CACNA1I: variants seen among roughly 807,000 people sequenced by gnomAD.
CACNA1I encodes the protein voltage-dependent T-type calcium channel subunit alpha-1I.
A neutral mutation model predicts 201.6 loss-of-function variants in CACNA1I; 74 were observed. The ratio of observed to expected loss-of-function variants is 0.37; its 90% CI spans 0.30 to 0.45. The LOEUF is 0.45. Among genes scored for constraint, CACNA1I ranks in the 20% least tolerant of loss-of-function variants. The pLI, the probability that CACNA1I is intolerant of heterozygous loss-of-function variation, is 1.00. For missense variants in CACNA1I, 2,346 were observed against 3,138.1 expected, an observed-to-expected ratio of 0.75 and a Z score of 6.03; for synonymous variants, 1,431 against 1,345.2, an observed-to-expected ratio of 1.06 and a Z score of -1.40.
chr22:39,616,818 A>G (rs1304477248), intron 3 of CACNA1I, among the ~76,000 whole-genome samples: 2 of 151,954 alleles, frequency 1.3e-5, no homozygotes, highest in African/African-American at 4.8e-5. Flanking sequence ...CTTTGTCATC[A>G]AGGGGCTGAG....
At chr22:39,573,315 G>A (rs1303857668) in intron 1 of CACNA1I, among the ~76,000 whole-genome samples, 8 of 152,118 alleles carry the variant, frequency 5.3e-5, no homozygotes, top group Non-Finnish European at 5.9e-5. Flanking sequence ...TGAACCTTAG[G>A]GGGTCTGGAT....
chr22:39,679,562 T>G, intron 32 of CACNA1I, 117 bp downstream of exon 32: 1 of 1,055,384 alleles, frequency 9.5e-7, no homozygotes, highest in Non-Finnish European at 1.3e-6. Context: ...GGCCCCACCC[T>G]GCTCAGCTCC....
In CACNA1I at chr22:39,672,980, C is replaced by G; in HGVS notation, c.4681C>G (p.Leu1561Val). ...CCAGCTGGACCTGGCCATTGTGCTA[C>G]TGTCAGTCATGGGCATCACCCTGGA... ...WNQLDLAIVLLSVMGITLEEI... is the reference protein window; with the variant it reads ...WNQLDLAIVLVSVMGITLEEI... Residue 1561 changes from leucine to valine, a missense_variant, in exon 28 of 37, where the codon CTG becomes GTG. By Grantham distance (32) the Leu-to-Val change is conservative. Around this residue, in one of 13 missense-constraint regions of CACNA1I, gnomAD observed 228 missense variants for 395.7 expected, o/e 0.58. Transcript: ENST00000402142. 1 of 1,613,848 alleles carries G rather than the reference C, an allele frequency of 6.2e-7. No individual in the cohort carries two copies. The highest frequency in any genetic ancestry group is 8.5e-7 in the Non-Finnish European group (1 of 1,179,790).
chr22:39,595,161 C>A (rs887569234), intron 1 of CACNA1I, among the ~76,000 whole-genome samples: 6 of 151,728 alleles, frequency 4.0e-5, no homozygotes, highest in Non-Finnish European at 7.4e-5. Flanking sequence ...TGGTGGCGGG[C>A]GCCTGTAGTC....
rs181968448 is a variant in CACNA1I, at chr22:39,647,129, C to T, written c.1462+248C>T. 7.6e-4 allele frequency among the ~76,000 whole-genome samples: 115 copies of T among 151,972 alleles called. No homozygotes were observed. In the Middle Eastern group the frequency reaches 0.01, roughly 13 times the overall value. ...AGCCTTTGCCCTGGAGGAACTCGAT[C>T]CCTGTGTATGTGTGGAGATAGCAGA... On this transcript the variant is annotated intron_variant, in intron 8 of 36. Coordinates refer to ENST00000402142, the MANE Select transcript of CACNA1I (RefSeq NM_021096.4).
At chr22:39,582,637 T>C (rs1291174195) in intron 1 of CACNA1I, among the ~76,000 whole-genome samples, 1 of 151,792 alleles carries the variant, frequency 6.6e-6, no homozygotes, top group Non-Finnish European at 1.5e-5. Flanking sequence ...GAGGAGGAGA[T>C]GGTACAGTCA....
intron 5 of CACNA1I, among the ~76,000 whole-genome samples, chr22:39,635,853 C>A (rs890450107): frequency 6.6e-5 from 10 of 152,202 alleles, no homozygotes; most frequent in Admixed American, 6.5e-4. Flanking sequence ...CTGACACCTC[C>A]TCCTAGAGGC....
intron 7 of CACNA1I, 92 bp from the exon 8 acceptor site, chr22:39,646,477 C>T (rs1414238252): frequency 4.1e-6 from 6 of 1,464,326 alleles, no homozygotes; most frequent in African/African-American, 1.4e-5. Context: ...CCATGTCTCC[C>T]TGCTGTCCCC....
At chr22:39,607,819 T>C (rs1312197591) in intron 3 of CACNA1I, among the ~76,000 whole-genome samples, 1 of 150,108 alleles carries the variant, frequency 6.7e-6, no homozygotes, top group Non-Finnish European at 1.5e-5. Flanking sequence ...TGAAACCCCA[T>C]GTCTACTAAA....
At chr22:39,670,663 G>C (rs984324218) in intron 25 of CACNA1I, 140 bp from the exon 26 acceptor site, 28 of 786,328 alleles carry the variant, frequency 3.6e-5, no homozygotes, top group Non-Finnish European at 4.8e-5. Flanking sequence ...ATCTAACACT[G>C]ATCCCAGGGC....
Position 39,684,258 on chromosome 22 carries a change from GC to G in CACNA1I, c.5831-42del. ...GCCACCTTCCAGGGGCTGCCCCCTG[GC>G]CTGAGCGTGCTCCCTCAGCTCTGTC... On this transcript the variant is annotated intron_variant, in intron 35 of 36. Coordinates refer to ENST00000402142, the MANE Select transcript of CACNA1I (RefSeq NM_021096.4). The surrounding 1 kb of genome is among the most constrained non-coding windows in gnomAD (Gnocchi z 4.6). 1 of 1,579,500 alleles carries G rather than the reference GC, an allele frequency of 6.3e-7. No homozygotes were observed. Among genetic ancestry groups the G allele is most frequent in the East Asian group, 2.3e-5 (1 of 44,182 alleles).
intron 3 of CACNA1I, among the ~76,000 whole-genome samples, chr22:39,610,650 C>T (rs1043356971): frequency 1.3e-5 from 2 of 152,148 alleles, no homozygotes; most frequent in East Asian, 1.9e-4. Flanking sequence ...TCAACTGTTT[C>T]CTCTACTGAA....
Position 39,679,771 on chromosome 22 carries a change from A to T in CACNA1I, c.5444A>T (p.Glu1815Val). ...SVSLIIKDSL[E>V]GELTIIDNLS... ...TCTTTAATCATCAAGGACTCCTTGG[A>T]GGGGGAGCTGACCATCATCGACAAC... The change falls in exon 33 of 37, where the codon GAG (glutamate) becomes GTG (valine). Residue 1815 changes from glutamate to valine, a missense_variant. Transcript: ENST00000402142. 6.2e-7 allele frequency: 1 copy of T among 1,612,706 alleles called. No homozygotes were observed. The highest frequency in any genetic ancestry group is 8.5e-7 in the Non-Finnish European group (1 of 1,179,496).
chr22:39,583,354 A>G (rs1207838781), intron 1 of CACNA1I, among the ~76,000 whole-genome samples: 3 of 118,722 alleles, frequency 2.5e-5, no homozygotes, highest in African/African-American at 9.8e-5. Context: ...CCAGCCAACC[A>G]TCCAACCATC....
intron 3 of CACNA1I, among the ~76,000 whole-genome samples, chr22:39,603,967 T>G (rs780147402): frequency 2.6e-5 from 4 of 152,236 alleles, no homozygotes; most frequent in Non-Finnish European, 5.9e-5. Context: ...AGACCTTTAG[T>G]GAACAGGAAA....
chr22:39,673,808 C>T (rs532743603), intron 28 of CACNA1I, among the ~76,000 whole-genome samples, 155 bp from the exon 29 acceptor site: 6 of 152,172 alleles, frequency 3.9e-5, no homozygotes, highest in African/African-American at 1.2e-4. Flanking sequence ...TGTGGCTGCA[C>T]CCACATTCTT....
chr22:39,673,950 G>T lies in CACNA1I; in HGVS notation c.4784-13G>T. ...CCTGGGGCTGAGTGGGCAGGGCTGG[G>T]TCTCGCCCGCAGTGCTGAAGCTGTT... On this transcript the variant is annotated splice_polypyrimidine_tract_variant and intron_variant, in intron 28 of 36. Transcript: ENST00000402142. 2 of 1,611,756 alleles carry T rather than the reference G, an allele frequency of 1.2e-6. No homozygotes were observed. The highest frequency in any genetic ancestry group is 8.5e-7 in the Non-Finnish European group (1 of 1,179,738).
intron 28 of CACNA1I, 115 bp from the exon 29 acceptor site, chr22:39,673,848 C>T: frequency 1.1e-6 from 1 of 902,460 alleles, no homozygotes; most frequent in Non-Finnish European, 1.7e-6. Context: ...CCAGACTCTG[C>T]TTGCACGTGC....
At chr22:39,657,678 G>C (rs1383331911) in intron 10 of CACNA1I, among the ~76,000 whole-genome samples, 2 of 145,560 alleles carry the variant, frequency 1.4e-5, no homozygotes, top group Non-Finnish European at 2.9e-5. Context: ...ACGGGTTCTT[G>C]TGAGGGGCTA....
Sources: allele counts gnomAD v4.1 joint callset (sites outside exome capture counted in the v4.1 genomes callset), GRCh38; gene constraint gnomAD v4.1.1; regional missense constraint gnomAD v4.1.1; non-coding constraint Gnocchi (gnomAD v3.1); transcripts MANE v1.5; gene names NCBI Gene and HGNC (gene_info 2026-07-23, HGNC 2026-07-21).